The following SHISA9 variants were observed in gnomAD, a reference collection of about 807,000 sequenced individuals.
SHISA9 encodes protein shisa-9.
SHISA9 carries 13 observed loss-of-function variants against 38.0 expected under a neutral mutation model. The ratio of observed to expected loss-of-function variants is 0.34; its 90% CI spans 0.22 to 0.54. SHISA9 has a LOEUF of 0.54. SHISA9 is among the 20% of genes least tolerant of loss of function. The pLI is 0.91. For missense variants in SHISA9, 538 were observed against 575.8 expected, an observed-to-expected ratio of 0.93 and a Z score of 0.67; for synonymous variants, 275 against 242.0, an observed-to-expected ratio of 1.14 and a Z score of -1.27.
At chr16:13,213,202 T>TG (rs2051136586) in intron 3 of SHISA9, 51 bp from the exon 4 acceptor site, 2 of 1,518,238 alleles carry the variant, frequency 1.3e-6, no homozygotes, top group Admixed American at 2.0e-5. Context: ...ATAGTGAACA[T>TG]GGGTGCCCTG....
the SHISA9 span, among the ~76,000 whole-genome samples, chr16:13,444,531 G>A: frequency 2.6e-5 from 4 of 152,092 alleles, no homozygotes; most frequent in Admixed American, 6.6e-5. Context: ...TTTCCAGCAC[G>A]TTCTATTGTC....
chr16:13,343,447 A>G, the SHISA9 span, among the ~76,000 whole-genome samples: 11 of 152,090 alleles, frequency 7.2e-5, no homozygotes, highest in African/African-American at 2.7e-4. Flanking sequence ...TAAAATGCTA[A>G]TCACCATGTG....
chr16:13,117,041 C>T (rs555018214), intron 2 of SHISA9, among the ~76,000 whole-genome samples: 2 of 152,228 alleles, frequency 1.3e-5, no homozygotes, highest in African/African-American at 2.4e-5. Context: ...CGAGTGATCT[C>T]GGCTCACTGC....
At chr16:13,434,425 T>TTTTTTTGTTTGTTTTA in the SHISA9 span, among the ~76,000 whole-genome samples, 3 of 132,326 alleles carry the variant, frequency 2.3e-5, no homozygotes, top group Non-Finnish European at 4.9e-5. Context: ...CTATGTTTTT[T>TTTTTTTGTTTGTTTTA]TTTTTTTTTT....
At chr16:13,061,118 C>T (rs771151639) in intron 2 of SHISA9, among the ~76,000 whole-genome samples, 1 of 152,188 alleles carries the variant, frequency 6.6e-6, no homozygotes, top group South Asian at 2.1e-4. Flanking sequence ...CTCTTGGAAG[C>T]CAATCCTCGT....
the SHISA9 span, among the ~76,000 whole-genome samples, chr16:13,299,398 G>C: frequency 6.6e-6 from 1 of 152,074 alleles, no homozygotes; most frequent in African/African-American, 2.4e-5. Context: ...CTTGCTTAAA[G>C]TCGCACAGCT....
the SHISA9 span, among the ~76,000 whole-genome samples, chr16:13,546,575 G>C: frequency 6.6e-6 from 1 of 152,148 alleles, no homozygotes; most frequent in Non-Finnish European, 1.5e-5. Flanking sequence ...ACGTAAAGTA[G>C]CTAAATGGAT....
chr16:13,318,057 A>G, the SHISA9 span, among the ~76,000 whole-genome samples: 1 of 149,230 alleles, frequency 6.7e-6, no homozygotes, highest in African/African-American at 2.5e-5. Context: ...GGCAATGTCT[A>G]TAATCTATAT....
At chr16:13,437,609 T>TA in the SHISA9 span, among the ~76,000 whole-genome samples, 4 of 152,146 alleles carry the variant, frequency 2.6e-5, no homozygotes, top group Non-Finnish European at 1.5e-5. Context: ...ACAACTCGGT[T>TA]ACTGTGATTC....
chr16:13,364,363 T>C, the SHISA9 span, among the ~76,000 whole-genome samples: 1 of 152,216 alleles, frequency 6.6e-6, no homozygotes, highest in Non-Finnish European at 1.5e-5. Flanking sequence ...AGGCAAGAGA[T>C]GCCCTGAGAA....
chr16:13,425,672 AAAGT>A, the SHISA9 span, among the ~76,000 whole-genome samples: 1 of 152,268 alleles, frequency 6.6e-6, no homozygotes. Flanking sequence ...GATCTAAAAT[AAAGT>A]AAAAATAAAT....
intron 2 of SHISA9, among the ~76,000 whole-genome samples, chr16:13,089,988 TC>T (rs1333580876): frequency 6.6e-6 from 1 of 152,230 alleles, no homozygotes; most frequent in East Asian, 1.9e-4. Context: ...TCCCAGAGAT[TC>T]TGGTGCATTG....
At chr16:13,253,124 A>G in the SHISA9 span, among the ~76,000 whole-genome samples, 10 of 152,246 alleles carry the variant, frequency 6.6e-5, no homozygotes, top group African/African-American at 2.4e-4. Context: ...ACTTTATTAT[A>G]AGAATACAGT....
the SHISA9 span, among the ~76,000 whole-genome samples, chr16:13,276,889 C>G: frequency 6.6e-6 from 1 of 151,930 alleles, no homozygotes; most frequent in Admixed American, 6.6e-5. Flanking sequence ...CTGACTGTTC[C>G]TTTTACCATG....
At chr16:13,434,380 C>T in the SHISA9 span, among the ~76,000 whole-genome samples, 3,934 of 150,742 alleles carry the variant, frequency 0.026, 80 homozygotes, top group Non-Finnish European at 0.041. Flanking sequence ...ATCAAATTGG[C>T]GCTCAATATT....
intron 2 of SHISA9, among the ~76,000 whole-genome samples, chr16:13,192,642 G>A (rs184864352): frequency 2.6e-5 from 4 of 152,208 alleles, no homozygotes; most frequent in South Asian, 2.1e-4. Flanking sequence ...GAAACAGGCC[G>A]AGGCGGGTGG....
chr16:12,960,537 C>G (rs1048490018), intron 2 of SHISA9, among the ~76,000 whole-genome samples: 1 of 152,052 alleles, frequency 6.6e-6, no homozygotes, highest in Non-Finnish European at 1.5e-5. Flanking sequence ...CAATGATAGA[C>G]TAGATAAAGA....
the SHISA9 span, among the ~76,000 whole-genome samples, chr16:13,272,806 C>G: frequency 9.5e-3 from 1,442 of 152,250 alleles, 26 homozygotes; most frequent in African/African-American, 0.033. Flanking sequence ...TTATCTTTCT[C>G]TCTTCTTCTT....
chr16:12,940,820 ATGG>A (rs1239447972), intron 2 of SHISA9, among the ~76,000 whole-genome samples: 1 of 152,198 alleles, frequency 6.6e-6, no homozygotes. Context: ...CTCTTAAAAA[ATGG>A]TGGTGTTACT....
Sources: allele counts gnomAD v4.1 joint callset (sites outside exome capture counted in the v4.1 genomes callset), GRCh38; gene constraint gnomAD v4.1.1; transcripts MANE v1.5; gene names NCBI Gene and HGNC (gene_info 2026-07-23, HGNC 2026-07-21).